Variants in OXR1 observed in about 807,000 individuals in gnomAD.
The protein encoded by OXR1 is oxidation resistance 1.
OXR1 carries 41 observed loss-of-function variants against 104.6 expected under a neutral mutation model. That is an observed-to-expected ratio of 0.39 (90% confidence interval 0.31 to 0.51). The LOEUF is 0.51. OXR1 is among the 20% of genes least tolerant of loss of function. The pLI is 0.77. For missense variants in OXR1, 955 were observed against 1,031.9 expected (o/e 0.93, Z 1.02); for synonymous variants, 348 against 348.4 (o/e 1.00, Z 0.01).
In OXR1 at chr8:106,362,674, A is replaced by G. The variant is rs559584363; in HGVS notation, c.23+3038A>G. ...TTTAGTAAATAATGATCAGAGAGAG[A>G]CAATGAGTAAGTTGATGCTCGTTGA... On this transcript the variant is annotated intron_variant, in intron 2 of 16. Coordinates refer to ENST00000517566, the MANE Select transcript of OXR1 (RefSeq NM_001198533.2). 5.6e-4 allele frequency among the ~76,000 whole-genome samples: 85 copies of G among 152,304 alleles called. 1 individual carries two copies. The South Asian group carries it at 0.017, about 30-fold the overall frequency.
At chr8:106,688,678 C>G (rs2131271187) in intron 6 of OXR1, among the ~76,000 whole-genome samples, 1 of 152,168 alleles carries the variant, frequency 6.6e-6, no homozygotes, top group East Asian at 1.9e-4. Flanking sequence ...TTTAATTAAT[C>G]TTTAACCCCA....
intron 2 of OXR1, among the ~76,000 whole-genome samples, chr8:106,442,846 A>AT (rs1819846632): frequency 6.6e-6 from 1 of 151,690 alleles, no homozygotes; most frequent in South Asian, 2.1e-4. Flanking sequence ...TATTTTGTTA[A>AT]TTTTTTCAAA....
intron 1 of OXR1, among the ~76,000 whole-genome samples, chr8:106,310,609 C>T (rs1813660659): frequency 1.3e-5 from 2 of 152,244 alleles, no homozygotes; most frequent in African/African-American, 2.4e-5. Flanking sequence ...TGAGAGTATA[C>T]ATTTGTGAGA....
chr8:106,688,023 C>T (rs1308752557), intron 6 of OXR1, among the ~76,000 whole-genome samples: 1 of 152,098 alleles, frequency 6.6e-6, no homozygotes. Flanking sequence ...GTAATAGCTA[C>T]CATTTCGCAC....
chr8:106,404,275 G>A lies in OXR1; in HGVS notation c.23+44639G>A, dbSNP rs552898941. Among the ~76,000 whole-genome samples, 7 of 152,172 alleles carry A rather than the reference G, an allele frequency of 4.6e-5. No individual in the cohort carries two copies. The South Asian group carries it at 1.0e-3, about 23-fold the overall frequency. ...CTGAACAGGGGGAGACTTCTTCTAC[G>A]GGTAAAGAAGACTTACCAGAATGTA... On this transcript the variant is annotated intron_variant, in intron 2 of 16. Coordinates refer to ENST00000517566, the MANE Select transcript of OXR1 (RefSeq NM_001198533.2).
At chr8:106,321,381 A>G (rs1814208953) in intron 1 of OXR1, among the ~76,000 whole-genome samples, 1 of 152,194 alleles carries the variant, frequency 6.6e-6, no homozygotes, top group African/African-American at 2.4e-5. Flanking sequence ...GGGTCCTTGG[A>G]CAGTGGACGT....
At position 106,547,492 on chromosome 8, in the gene OXR1, CTT is replaced by C. The variant is rs60073341; in HGVS notation, c.220+28371_220+28372del. ...GTGTTAGAATTTCCTTTCTTTCTTT[CTT>C]TTTTTTTTTTTTTTTTTGAGACAGA... On this transcript the variant is annotated intron_variant, in intron 3 of 16. Transcript: ENST00000517566. Among the ~76,000 whole-genome samples, 719 of 116,574 alleles carry C rather than the reference CTT, an allele frequency of 6.2e-3. 1 individual carries two copies. Among genetic ancestry groups the C allele is most frequent in the African/African-American group, 7.7e-3 (239 of 31,024 alleles). 76.5% of individuals were successfully genotyped at this position (116,574 alleles called of 152,430 possible). A position where few individuals can be genotyped will look rare whatever the true frequency, so the allele number is the denominator to read the frequency against.
intron 3 of OXR1, among the ~76,000 whole-genome samples, chr8:106,553,210 T>G (rs543628303): frequency 6.7e-6 from 1 of 149,950 alleles, no homozygotes; most frequent in South Asian, 2.1e-4. Context: ...ACAGTAATAA[T>G]AAAATAAAAT....
intron 2 of OXR1, among the ~76,000 whole-genome samples, chr8:106,504,658 CT>C (rs1239284418): frequency 2.0e-5 from 3 of 152,192 alleles, no homozygotes; most frequent in African/African-American, 7.2e-5. Context: ...ATGTAAAAGC[CT>C]TCTAATCTAG....
At chr8:106,635,348 C>G (rs1464885603) in intron 3 of OXR1, among the ~76,000 whole-genome samples, 3 of 152,154 alleles carry the variant, frequency 2.0e-5, no homozygotes, top group Non-Finnish European at 4.4e-5. Flanking sequence ...GGCCATTCTA[C>G]TCCTCTATTT....
intron 3 of OXR1, among the ~76,000 whole-genome samples, chr8:106,671,519 A>G (rs190986473): frequency 2.0e-5 from 3 of 152,296 alleles, no homozygotes; most frequent in Non-Finnish European, 4.4e-5. Context: ...GGCTGTGAGC[A>G]TATGTTTATT....
intron 2 of OXR1, among the ~76,000 whole-genome samples, chr8:106,466,819 T>G (rs994733401): frequency 6.6e-6 from 1 of 151,926 alleles, no homozygotes; most frequent in Non-Finnish European, 1.5e-5. Flanking sequence ...TGAATACATG[T>G]AAATATATGC....
chr8:106,698,125 C>T, intron 7 of OXR1: 1 of 649,938 alleles, frequency 1.5e-6, no homozygotes, highest in Middle Eastern at 3.6e-4. Flanking sequence ...TTATTTTCTA[C>T]CCAGATATCC....
At chr8:106,278,180 C>A (rs979503) in intron 1 of OXR1, among the ~76,000 whole-genome samples, 16,820 of 152,156 alleles carry the variant, frequency 0.11, 1,014 homozygotes, top group Middle Eastern at 0.17. Context: ...TTCCTTCAAT[C>A]TACATCATTA....
chr8:106,406,866 A>G (rs892359944), intron 2 of OXR1, among the ~76,000 whole-genome samples: 1 of 152,330 alleles, frequency 6.6e-6, no homozygotes, highest in South Asian at 2.1e-4. Flanking sequence ...TAGCACGTCC[A>G]TATAAATTTA....
At position 106,313,783 on chromosome 8, in the gene OXR1, C is replaced by T. The variant is rs188415044; in HGVS notation, c.-139+43416C>T. 2.0e-5 allele frequency among the ~76,000 whole-genome samples: 3 copies of T among 152,238 alleles called. No individual in the cohort carries two copies. The East Asian group carries it at 5.8e-4, about 29-fold the overall frequency. ...ATGTAGGTAGGAAGTGTAAGACTCA[C>T]TGCCATATGCTGTTCTCATCCTATC... On this transcript the variant is annotated intron_variant, in intron 1 of 16. Coordinates refer to ENST00000517566, the MANE Select transcript of OXR1 (RefSeq NM_001198533.2).
intron 3 of OXR1, among the ~76,000 whole-genome samples, chr8:106,544,816 A>C (rs1055520063): frequency 4.6e-5 from 7 of 152,102 alleles, no homozygotes; most frequent in Non-Finnish European, 8.8e-5. Context: ...TGACTATCCT[A>C]TTATAAGAAC....
chr8:106,394,051 C>T (rs750535795), intron 2 of OXR1, among the ~76,000 whole-genome samples: 1 of 151,954 alleles, frequency 6.6e-6, no homozygotes, highest in Non-Finnish European at 1.5e-5. Flanking sequence ...GGAATCTCTA[C>T]CTGAAAAGGC....
At chr8:106,688,804 G>T (rs1451557492) in intron 6 of OXR1, among the ~76,000 whole-genome samples, 2 of 152,144 alleles carry the variant, frequency 1.3e-5, no homozygotes, top group African/African-American at 4.8e-5. Flanking sequence ...GGCAGTCAAG[G>T]TCTAGATTCT....
Sources: gnomAD v4.1 joint callset for allele counts (sites outside exome capture counted in the v4.1 genomes callset) on GRCh38, gnomAD v4.1.1 for gene constraint, MANE v1.5 for transcripts, NCBI Gene and HGNC (gene_info 2026-07-23, HGNC 2026-07-21) for gene names.